The following PTPRU variants were observed in gnomAD, a reference collection of about 807,000 sequenced individuals.
The protein encoded by PTPRU is protein tyrosine phosphatase receptor type U.
A neutral mutation model predicts 166.3 loss-of-function variants in PTPRU; 69 were observed. That is an observed-to-expected ratio of 0.41 (90% CI 0.34 to 0.51). The LOEUF (loss-of-function observed/expected upper bound fraction) is 0.51. PTPRU is among the 20% of genes least tolerant of loss of function. The pLI, the probability that PTPRU is intolerant of heterozygous loss-of-function variation, is 0.09. For missense variants in PTPRU, 1,657 were observed against 2,013.7 expected, an observed-to-expected ratio of 0.82 and a Z score of 3.39; for synonymous variants, 793 against 814.0, an observed-to-expected ratio of 0.97 and a Z score of 0.44.
chr1:29,257,533 G>C lies in PTPRU; in HGVS notation c.206-972G>C, dbSNP rs933680011. 1.3e-5 allele frequency among the ~76,000 whole-genome samples: 2 copies of C among 152,328 alleles called. No homozygotes were observed. Among genetic ancestry groups the C allele is most frequent in the African/African-American group, 4.8e-5 (2 of 41,576 alleles). On this transcript the variant is annotated intron_variant, in intron 2 of 29. Coordinates refer to ENST00000373779, the MANE Select transcript of PTPRU (RefSeq NM_133178.4). The surrounding 1 kb of genome is among the most constrained non-coding windows in gnomAD (Gnocchi z 4.6). ...CCCCGCCAGGTCCTGAGCCAGCCTA[G>C]TCCACTTCTACTCCACCAGTACCCA...
At chr1:29,310,919 C>T in intron 19 of PTPRU, 139 bp downstream of exon 19, 1 of 1,092,888 alleles carries the variant, frequency 9.2e-7, no homozygotes, top group South Asian at 1.3e-5. Flanking sequence ...TTCTGGCTCC[C>T]TGCTTGTTCA....
chr1:29,310,813 C>T, intron 19 of PTPRU, 33 bp downstream of exon 19: 1 of 1,605,600 alleles, frequency 6.2e-7, no homozygotes, highest in Non-Finnish European at 8.5e-7. Flanking sequence ...TGCGCCTTCC[C>T]ATGTGCCTCC....
At chr1:29,324,719 T>G (rs1688323098) in intron 28 of PTPRU, among the ~76,000 whole-genome samples, 1 of 152,216 alleles carries the variant, frequency 6.6e-6, no homozygotes, top group Non-Finnish European at 1.5e-5. Context: ...AGAATATGTC[T>G]TCTGAGATGT....
At chr1:29,312,457 A>T in intron 21 of PTPRU, 95 bp from the exon 22 acceptor site, 1 of 1,191,786 alleles carries the variant, frequency 8.4e-7, no homozygotes, top group Non-Finnish European at 1.2e-6. Context: ...AGATTATACA[A>T]TGAGATGCTT....
At chr1:29,313,836 C>G (rs1050898560) in intron 22 of PTPRU, among the ~76,000 whole-genome samples, 1 of 152,134 alleles carries the variant, frequency 6.6e-6, no homozygotes, top group Non-Finnish European at 1.5e-5. Context: ...GCCTGGGCAA[C>G]AGAGCGAGAC....
intron 1 of PTPRU, among the ~76,000 whole-genome samples, chr1:29,246,199 A>G (rs934947963): frequency 3.3e-5 from 5 of 152,224 alleles, no homozygotes; most frequent in Non-Finnish European, 7.3e-5. Context: ...TATGTGCCTC[A>G]TGGCCCAGCC....
At chr1:29,325,060 C>A (rs969775452) in intron 28 of PTPRU, 131 bp from the exon 29 acceptor site, 8 of 1,279,210 alleles carry the variant, frequency 6.3e-6, no homozygotes, top group Non-Finnish European at 8.8e-6. Context: ...GGCTCTCTGC[C>A]CCACCCTTCT....
At position 29,305,435 on chromosome 1, in the gene PTPRU, G is replaced by A; in HGVS notation, c.2820+7G>A. The A allele has an allele frequency of 6.2e-7, 1 of 1,612,940 alleles. No homozygotes were observed. Among genetic ancestry groups the A allele is most frequent in the Non-Finnish European group, 8.5e-7 (1 of 1,179,316 alleles). ...TAATGCCAACTACATAGATGTGAGT[G>A]CCTTGCCCTGTCATTTCTGCAGACC... On this transcript the variant is annotated splice_region_variant and intron_variant, in intron 18 of 29. Transcript: ENST00000373779.
At chr1:29,313,482 A>G (rs1341876757) in intron 22 of PTPRU, among the ~76,000 whole-genome samples, 1 of 152,232 alleles carries the variant, frequency 6.6e-6, no homozygotes, top group East Asian at 1.9e-4. Context: ...ACTTAAAGCA[A>G]AGTGCAGAAA....
At chr1:29,316,196 T>A in intron 24 of PTPRU, 45 bp downstream of exon 24, 1 of 1,588,110 alleles carries the variant, frequency 6.3e-7, no homozygotes, top group Non-Finnish European at 8.6e-7. Context: ...TGTGTGTCTG[T>A]GTGTGTGTTG....
At chr1:29,288,354 G>A (rs1429691863) in intron 14 of PTPRU, among the ~76,000 whole-genome samples, 2 of 152,154 alleles carry the variant, frequency 1.3e-5, no homozygotes, top group Non-Finnish European at 2.9e-5. Context: ...AGAGATAATT[G>A]CAAATTGTGA....
Position 29,258,529 on chromosome 1 carries a change from C to T in PTPRU, c.230C>T (p.Ser77Phe), listed in dbSNP as rs769336407. The T allele has an allele frequency of 1.9e-6, 3 of 1,614,026 alleles. No individual in the cohort carries two copies. In the Admixed American group the frequency reaches 5.0e-5, roughly 27 times the overall value. ...GGCTCCTACTTGATGGTCAACACTTCCCAGCATGCCCCAGGCCAGCGAGCC... is the reference window on the plus strand; with the variant it reads ...GGCTCCTACTTGATGGTCAACACTTTCCAGCATGCCCCAGGCCAGCGAGCC... ...PHGSYLMVNT[S>F]QHAPGQRAHV... Residue 77 changes from serine (S) to phenylalanine (F), a missense_variant, in exon 3 of 30, where the codon TCC becomes TTC. This residue lies in a region of PTPRU where 453 missense variants were observed against 496.9 expected (regional missense o/e 0.91). Coordinates refer to ENST00000373779, the MANE Select transcript of PTPRU (RefSeq NM_133178.4).
At chr1:29,325,536 TC>T in intron 29 of PTPRU, 62 bp from the exon 30 acceptor site, 1 of 1,544,446 alleles carries the variant, frequency 6.5e-7, no homozygotes, top group South Asian at 1.1e-5. Context: ...CCCGTTCCCC[TC>T]CCCCCACAAT....
In PTPRU at chr1:29,255,377, G is replaced by A. The variant is rs777504835; in HGVS notation, c.176G>A (p.Gly59Asp). 6.2e-7 allele frequency: 1 copy of A among 1,614,112 alleles called. No homozygotes were observed. The highest frequency in any genetic ancestry group is 8.5e-7 in the Non-Finnish European group (1 of 1,180,014). ...TGGGAGCAAGTGCGAATCCACCCTG[G>A]CACCCGGGCACCTGCGGACCTGCCC... ...FQWEQVRIHP[G>D]TRAPADLPHG... The change falls in exon 2 of 30, where the codon GGC becomes GAC. Residue 59 changes from glycine to aspartate, a missense_variant. Gly to Asp is a moderately conservative substitution (Grantham distance 94, BLOSUM62 -1). Around this residue, in one of 3 missense-constraint regions of PTPRU, gnomAD observed 453 missense variants for 496.9 expected, o/e 0.91. Coordinates refer to ENST00000373779, the MANE Select transcript of PTPRU (RefSeq NM_133178.4).
At chr1:29,265,215 G>A (rs991505039) in intron 7 of PTPRU, among the ~76,000 whole-genome samples, 3 of 152,182 alleles carry the variant, frequency 2.0e-5, no homozygotes, top group Admixed American at 1.3e-4. Context: ...CACCAACAAC[G>A]TATGAGTGAT....
chr1:29,302,029 C>T (rs536742202), intron 15 of PTPRU, among the ~76,000 whole-genome samples: 2 of 152,184 alleles, frequency 1.3e-5, no homozygotes, highest in South Asian at 4.1e-4. Context: ...GCAACGTTTT[C>T]ATAGGTGATG....
At chr1:29,239,566 G>C (rs1042778654) in intron 1 of PTPRU, among the ~76,000 whole-genome samples, 2 of 152,140 alleles carry the variant, frequency 1.3e-5, no homozygotes, top group Non-Finnish European at 2.9e-5. Flanking sequence ...GGCAAGCATC[G>C]TGCTTGATGG....
chr1:29,250,285 G>C, intron 1 of PTPRU, among the ~76,000 whole-genome samples: 1 of 152,142 alleles, frequency 6.6e-6, no homozygotes, highest in East Asian at 1.9e-4. Context: ...GTGCCAGCCT[G>C]GGACCTGCTT....
In PTPRU at chr1:29,270,245, CAT is replaced by C. The variant is rs1392543664; in HGVS notation, c.1145-5200_1145-5199del. Among the ~76,000 whole-genome samples, 21 of 152,192 alleles carry C rather than the reference CAT, an allele frequency of 1.4e-4. 1 individual carries two copies. In the East Asian group the frequency reaches 3.9e-3, roughly 28 times the overall value. On this transcript the variant is annotated intron_variant, in intron 7 of 29. Transcript: ENST00000373779. ...TGACTGTAGGCTGGGCAATTTGACT[CAT>C]ATTATCTCATGTAACTCTCACATTT...
Sources: allele counts gnomAD v4.1 joint callset (sites outside exome capture counted in the v4.1 genomes callset), GRCh38; gene constraint gnomAD v4.1.1; regional missense constraint gnomAD v4.1.1; non-coding constraint Gnocchi (gnomAD v3.1); transcripts MANE v1.5; gene names NCBI Gene and HGNC (gene_info 2026-07-23, HGNC 2026-07-21).